The following CFTR variants were observed in gnomAD, a reference collection of about 807,000 sequenced individuals.
CFTR encodes the protein cystic fibrosis transmembrane conductance regulator.
CFTR carries 181 observed loss-of-function variants against 171.6 expected under a neutral mutation model. That is an observed-to-expected ratio of 1.05 (90% CI 0.93 to 1.19). The LOEUF (loss-of-function observed/expected upper bound fraction) is 1.19, where lower values mean the gene tolerates loss of function less well. Among genes scored for constraint, CFTR ranks in the 50% most tolerant of loss-of-function variants. CFTR has a pLI of 0.00. For synonymous variants in CFTR, 583 were observed against 608.0 expected, an observed-to-expected ratio of 0.96 and a Z score of 0.60; for missense variants, 1,968 against 1,734.7, an observed-to-expected ratio of 1.13 and a Z score of -2.39.
chr7:117,540,937 T>TTACA (rs1554381457), intron 8 of CFTR, among the ~76,000 whole-genome samples: 81 of 151,666 alleles, frequency 5.3e-4, no homozygotes, highest in African/African-American at 1.8e-3. Context: ...GGGAGATGTC[T>TTACA]CACACACACA....
chr7:117,656,254 T>C (rs1793182051), intron 24 of CFTR, among the ~76,000 whole-genome samples: 1 of 152,176 alleles, frequency 6.6e-6, no homozygotes, highest in African/African-American at 2.4e-5. Flanking sequence ...AAGGAGGCTT[T>C]GGTTTGACTT....
At position 117,559,570 on chromosome 7, in the gene CFTR, G is replaced by A. The variant is rs774945680; in HGVS notation, c.1499G>A (p.Gly500Asp). ...TCTCAGTTTTCCTGGATTATGCCTG[G>A]CACCATTAAAGAAAATATCATCTTT... ...FCSQFSWIMP[G>D]TIKENIIFGV... Residue 500 changes from glycine to aspartate, a missense_variant, in exon 11 of 27, where the codon GGC becomes GAC. Physicochemically the swap from Gly to Asp is moderately conservative, Grantham distance 94. Coordinates refer to ENST00000003084, the MANE Select transcript of CFTR (RefSeq NM_000492.4). 4 of 1,612,314 alleles carry A rather than the reference G, an allele frequency of 2.5e-6. No homozygotes were observed. Among genetic ancestry groups the A allele is most frequent in the Admixed American group, 3.3e-5 (2 of 59,998 alleles).
intron 23 of CFTR, among the ~76,000 whole-genome samples, chr7:117,644,287 T>C (rs1792964316): frequency 6.6e-6 from 1 of 152,124 alleles, no homozygotes; most frequent in South Asian, 2.1e-4. Flanking sequence ...ATTATGTGAA[T>C]GTCCAAGAAA....
chr7:117,486,880 G>A (rs1157682446), intron 1 of CFTR, among the ~76,000 whole-genome samples: 2 of 142,904 alleles, frequency 1.4e-5, no homozygotes, highest in Admixed American at 1.4e-4. Flanking sequence ...TGGGTGGGGT[G>A]GGGGGGAGGG....
intron 8 of CFTR, among the ~76,000 whole-genome samples, chr7:117,540,905 T>C (rs1034758064): frequency 2.0e-5 from 3 of 152,104 alleles, no homozygotes; most frequent in African/African-American, 7.2e-5. Context: ...AAATTTGTAT[T>C]GGTTGCCAGC....
chr7:117,641,911 C>A lies in CFTR; in HGVS notation c.3718-527C>A, dbSNP rs897256173. 5.9e-5 allele frequency among the ~76,000 whole-genome samples: 9 copies of A among 152,224 alleles called. No homozygotes were observed. The East Asian group carries it at 1.7e-3, about 29-fold the overall frequency. On this transcript the variant is annotated intron_variant, in intron 22 of 26. Transcript: ENST00000003084. ...GTGGTAAGGCCTTCGCCCAACCTGC[C>A]TTCTCTGGGAATATACTGCTGCCTG...
chr7:117,590,237 A>C, intron 12 of CFTR, 116 bp from the exon 13 acceptor site: 1 of 1,207,104 alleles, frequency 8.3e-7, no homozygotes, highest in Non-Finnish European at 1.2e-6. Flanking sequence ...TATTTCAGTG[A>C]ATCGATGTGG....
At chr7:117,557,370 T>G (rs1458942192) in intron 10 of CFTR, among the ~76,000 whole-genome samples, 1 of 152,136 alleles carries the variant, frequency 6.6e-6, no homozygotes, top group Non-Finnish European at 1.5e-5. Flanking sequence ...GTAGTTTCTA[T>G]TAATAGATTA....
At chr7:117,580,156 A>C (rs1248190745) in intron 11 of CFTR, among the ~76,000 whole-genome samples, 8 of 152,080 alleles carry the variant, frequency 5.3e-5, no homozygotes, top group Non-Finnish European at 1.5e-5. Flanking sequence ...GCAAAAGAAA[A>C]AGAGAAAAGA....
intron 11 of CFTR, among the ~76,000 whole-genome samples, chr7:117,561,464 C>A (rs1426791893): frequency 1.3e-5 from 2 of 152,028 alleles, no homozygotes; most frequent in African/African-American, 4.8e-5. Context: ...ATTACCGTTC[C>A]TTTGTAGCTA....
At position 117,512,575 on chromosome 7, in the gene CFTR, A is replaced by T. The variant is rs1371502565; in HGVS notation, c.273+3433A>T. 2.8e-5 allele frequency among the ~76,000 whole-genome samples: 4 copies of T among 145,394 alleles called. No individual in the cohort carries two copies. The East Asian group carries it at 8.9e-4, about 32-fold the overall frequency. On this transcript the variant is annotated intron_variant, in intron 3 of 26. Transcript: ENST00000003084. ...CTTGAACCTGGGAGGCAGAGGTTGC[A>T]GTGAGCTGAGATCGCACCACTGCAC...
intron 24 of CFTR, among the ~76,000 whole-genome samples, chr7:117,655,151 G>C (rs1041079681): frequency 6.6e-5 from 10 of 152,098 alleles, no homozygotes; most frequent in African/African-American, 1.7e-4. Context: ...ATATGGATAG[G>C]CTGAGAATTT....
chr7:117,611,532 A>G (rs1253333354), intron 19 of CFTR, 49 bp from the exon 20 acceptor site: 2 of 1,070,418 alleles, frequency 1.9e-6, no homozygotes, highest in Middle Eastern at 2.0e-4. Flanking sequence ...ATGAAATTAC[A>G]TTTTGTGTTT....
At chr7:117,546,380 C>T (rs1799147794) in intron 9 of CFTR, among the ~76,000 whole-genome samples, 1 of 152,094 alleles carries the variant, frequency 6.6e-6, no homozygotes, top group Non-Finnish European at 1.5e-5. Context: ...AACAATCCTC[C>T]TGCCTCGGAC....
At chr7:117,521,832 T>C (rs1324133322) in intron 3 of CFTR, among the ~76,000 whole-genome samples, 1 of 152,172 alleles carries the variant, frequency 6.6e-6, no homozygotes, top group Non-Finnish European at 1.5e-5. Flanking sequence ...TTCAGGTTTC[T>C]ATTTTTTTCA....
rs35337904 is a variant in CFTR at position 117,649,937 on chromosome 7, A to G, written c.3874-2905A>G. 3.4e-3 allele frequency among the ~76,000 whole-genome samples: 524 copies of G among 152,238 alleles called. 4 individuals carry two copies. Among genetic ancestry groups the G allele is most frequent in the African/African-American group, 0.012 (505 of 41,550 alleles). On this transcript the variant is annotated intron_variant, in intron 23 of 26. Transcript: ENST00000003084. ...AAGAAAGCAGTTGGCCATGGGAAGA[A>G]GGTAGGGAATGAGATTCCCAAGCAA...
chr7:117,511,267 G>A (rs527900886), intron 3 of CFTR, among the ~76,000 whole-genome samples: 204 of 152,168 alleles, frequency 1.3e-3, no homozygotes, highest in African/African-American at 4.8e-3. Flanking sequence ...ACCTGGGGGA[G>A]GAACTGTATG....
intron 21 of CFTR, chr7:117,616,354 G>A (rs1792491059): frequency 6.6e-6 from 1 of 152,028 alleles, no homozygotes; most frequent in Non-Finnish European, 1.5e-5. Flanking sequence ...TTGGGAAACA[G>A]CAGGAGAATA....
At chr7:117,492,043 G>T (rs1027916424) in intron 1 of CFTR, among the ~76,000 whole-genome samples, 2 of 151,986 alleles carry the variant, frequency 1.3e-5, no homozygotes, top group Non-Finnish European at 2.9e-5. Flanking sequence ...ATCCAAGAAG[G>T]TCATAAGAAA....
Sources: allele counts gnomAD v4.1 joint callset (sites outside exome capture counted in the v4.1 genomes callset), GRCh38; gene constraint gnomAD v4.1.1; transcripts MANE v1.5; gene names NCBI Gene and HGNC (gene_info 2026-07-23, HGNC 2026-07-21).